VWA8: variants seen among roughly 807,000 people sequenced by gnomAD.
VWA8 encodes the protein von Willebrand factor A domain-containing protein 8.
Under a neutral mutation model 241.5 loss-of-function variants are expected in VWA8, and 221 were observed. The observed-to-expected ratio is 0.91, with a 90% confidence interval of 0.82 to 1.02. VWA8 has a LOEUF of 1.02. Ranked by LOEUF, VWA8 falls within the 50% of genes least tolerant of loss-of-function variation. VWA8 has a pLI of 0.00. For synonymous variants in VWA8, 852 were observed against 827.1 expected (o/e 1.03, Z -0.52); for missense variants, 2,322 against 2,328.7 (o/e 1.00, Z 0.06).
chr13:41,713,345 C>G (rs200437031), intron 26 of VWA8, among the ~76,000 whole-genome samples: 1 of 152,098 alleles, frequency 6.6e-6, no homozygotes, highest in African/African-American at 2.4e-5. Flanking sequence ...GGGCCTCTCT[C>G]AAAAACAACC....
At chr13:41,733,744 C>A (rs550156199) in intron 21 of VWA8, among the ~76,000 whole-genome samples, 7 of 152,154 alleles carry the variant, frequency 4.6e-5, no homozygotes, top group Non-Finnish European at 1.0e-4. Context: ...ACTTATTTTA[C>A]TATCTTCCCA....
intron 37 of VWA8, among the ~76,000 whole-genome samples, chr13:41,634,137 A>G (rs2044742376): frequency 6.6e-6 from 1 of 152,270 alleles, no homozygotes. Context: ...AGAATCATAC[A>G]GAGGGGAGAG....
chr13:41,914,569 C>T (rs1374122993), intron 2 of VWA8, among the ~76,000 whole-genome samples: 1 of 152,150 alleles, frequency 6.6e-6, no homozygotes, highest in Non-Finnish European at 1.5e-5. Context: ...ACCTTAACTT[C>T]TTTATTAGTA....
chr13:41,729,892 C>T lies in VWA8; in HGVS notation c.2503-215G>A, dbSNP rs1015343741. 2.6e-5 allele frequency among the ~76,000 whole-genome samples: 4 copies of T among 151,362 alleles called. No individual in the cohort carries two copies. The South Asian group carries it at 8.3e-4, about 32-fold the overall frequency. On this transcript the variant is annotated intron_variant, in intron 22 of 44. Transcript: ENST00000379310. ...ATTTTGGGATTTCTACCAAAAGCTT[C>T]ATGTAGCTAAACTGCCAACTCTACA...
intron 2 of VWA8, among the ~76,000 whole-genome samples, chr13:41,924,967 T>G (rs148567343): frequency 4.6e-5 from 7 of 150,970 alleles, no homozygotes; most frequent in Non-Finnish European, 1.0e-4. Flanking sequence ...CCAATGTACA[T>G]TATAATTAGT....
rs191344283 is a variant in VWA8 at position 41,787,558 on chromosome 13, G to C, written c.2064-15C>G. The C allele has an allele frequency of 6.0e-5, 93 of 1,556,952 alleles. No homozygotes were observed. The highest frequency in any genetic ancestry group is 3.4e-4 in the Middle Eastern group (2 of 5,958). The stretch of plus-strand genomic sequence containing the variant: ...TGGGTAAAAACCTGGAGGATGAAGA[G>C]GGAGGAAGGGGGAAATGGCTTAAGT... On this transcript the variant is annotated splice_polypyrimidine_tract_variant and intron_variant, in intron 17 of 44. Coordinates refer to ENST00000379310, the MANE Select transcript of VWA8 (RefSeq NM_015058.2).
chr13:41,598,683 G>C (rs2044503438), intron 40 of VWA8, among the ~76,000 whole-genome samples: 1 of 151,990 alleles, frequency 6.6e-6, no homozygotes, highest in African/African-American at 2.4e-5. Flanking sequence ...CAGAATTCTT[G>C]GGTCACAAGA....
At chr13:41,721,313 C>G in intron 25 of VWA8, 57 bp downstream of exon 25, 1 of 1,573,018 alleles carries the variant, frequency 6.4e-7, no homozygotes, top group Non-Finnish European at 8.7e-7. Flanking sequence ...ACTGTACAGT[C>G]TGAAAAAATA....
intron 1 of VWA8, among the ~76,000 whole-genome samples, chr13:41,952,587 G>T (rs1350036985): frequency 6.6e-6 from 1 of 152,078 alleles, no homozygotes; most frequent in African/African-American, 2.4e-5. Flanking sequence ...AAATGATACT[G>T]AGTAATTAAT....
intron 27 of VWA8, among the ~76,000 whole-genome samples, chr13:41,701,813 T>C (rs2045251970): frequency 6.6e-6 from 1 of 152,238 alleles, no homozygotes; most frequent in Non-Finnish European, 1.5e-5. Context: ...ATTTCTTCAT[T>C]CCTTCCTAAG....
At chr13:41,649,728 A>C (rs187503337) in intron 37 of VWA8, among the ~76,000 whole-genome samples, 1 of 152,236 alleles carries the variant, frequency 6.6e-6, no homozygotes, top group Non-Finnish European at 1.5e-5. Context: ...ATATCTGGTA[A>C]TGGTGAAACA....
rs141904045 is a variant in VWA8 at position 41,891,857 on chromosome 13, T to C, written c.484-270A>G. Among the ~76,000 whole-genome samples the C allele has an allele frequency of 8.4e-3, 1,281 of 152,282 alleles. 11 individuals are homozygous for C. Among genetic ancestry groups the C allele is most frequent in the Non-Finnish European group, 0.014 (947 of 68,014 alleles). ...CTTTCAGCCTTGATATTTTAGATTA[T>C]ATACCCAATGAAATAAAAAACTAAC... is the stretch of plus-strand genomic sequence containing the variant. On this transcript the variant is annotated intron_variant, in intron 4 of 44. Transcript: ENST00000379310.
At chr13:41,815,221 G>C (rs138178798) in intron 16 of VWA8, among the ~76,000 whole-genome samples, 2 of 152,212 alleles carry the variant, frequency 1.3e-5, no homozygotes, top group African/African-American at 4.8e-5. Context: ...ATGGGTAAAG[G>C]AGAAAGTATT....
At chr13:41,682,104 C>A (rs2045103719) in intron 35 of VWA8, among the ~76,000 whole-genome samples, 1 of 152,064 alleles carries the variant, frequency 6.6e-6, no homozygotes, top group African/African-American at 2.4e-5. Context: ...CTGGGTCAAC[C>A]AAGACTCACT....
intron 12 of VWA8, among the ~76,000 whole-genome samples, chr13:41,844,417 C>T (rs564944652): frequency 6.6e-6 from 1 of 152,254 alleles, no homozygotes; most frequent in East Asian, 1.9e-4. Flanking sequence ...AAGCATTCCC[C>T]TTAACAACTG....
intron 12 of VWA8, among the ~76,000 whole-genome samples, chr13:41,855,206 T>C (rs962489626): frequency 6.6e-6 from 1 of 151,580 alleles, no homozygotes; most frequent in East Asian, 1.9e-4. Flanking sequence ...GACAAATTCA[T>C]TGAGAAGGGC....
intron 1 of VWA8, among the ~76,000 whole-genome samples, chr13:41,956,453 C>G (rs1216663491): frequency 6.6e-6 from 1 of 152,204 alleles, no homozygotes; most frequent in African/African-American, 2.4e-5. Flanking sequence ...TACCATTGTT[C>G]TGAGCCTTTC....
chr13:41,941,476 G>C (rs777887278), intron 2 of VWA8, among the ~76,000 whole-genome samples: 20 of 152,286 alleles, frequency 1.3e-4, no homozygotes, highest in Admixed American at 3.3e-4. Flanking sequence ...ATCTCTGAAG[G>C]AAACTGAAGC....
chr13:41,610,992 C>T (rs2139660383), intron 39 of VWA8, among the ~76,000 whole-genome samples: 1 of 152,282 alleles, frequency 6.6e-6, no homozygotes, highest in Admixed American at 6.5e-5. Context: ...TACCCATTAT[C>T]CTGAGTGGGC....
Sources: gnomAD v4.1 joint callset for allele counts (sites outside exome capture counted in the v4.1 genomes callset) on GRCh38, gnomAD v4.1.1 for gene constraint, MANE v1.5 for transcripts, NCBI Gene and HGNC (gene_info 2026-07-23, HGNC 2026-07-21) for gene names.